The following TENT2 variants were observed in gnomAD, a reference collection of about 807,000 sequenced individuals.
TENT2 encodes terminal nucleotidyltransferase 2, also known as poly(A) RNA polymerase GLD2.
In TENT2, 44 loss-of-function variants were observed where a neutral mutation model predicts 72.2. The observed-to-expected ratio is 0.61, with a 90% CI of 0.48 to 0.78. TENT2 has a LOEUF of 0.78. Among genes scored for constraint, TENT2 ranks in the 30% least tolerant of loss-of-function variants. TENT2 has a pLI of 0.00. For missense variants in TENT2, 541 were observed against 569.6 expected (o/e 0.95, Z 0.51); for synonymous variants, 212 against 192.5 (o/e 1.10, Z -0.84).
intron 11 of TENT2, among the ~76,000 whole-genome samples, chr5:79,661,628 A>G (rs1343400077): frequency 6.6e-6 from 1 of 152,180 alleles, no homozygotes; most frequent in African/African-American, 2.4e-5. Context: ...AAATGTACAT[A>G]CCTTTGTTTA....
intron 10 of TENT2, among the ~76,000 whole-genome samples, chr5:79,655,450 T>C (rs375130285): frequency 6.6e-6 from 1 of 152,110 alleles, no homozygotes; most frequent in East Asian, 1.9e-4. Flanking sequence ...CTTCTCTTCA[T>C]CCTTTGTTTT....
At chr5:79,639,406 C>T (rs1420871162) in intron 4 of TENT2, among the ~76,000 whole-genome samples, 1 of 151,428 alleles carries the variant, frequency 6.6e-6, no homozygotes, top group African/African-American at 2.4e-5. Context: ...TGAAATACTC[C>T]AATTTTATGA....
chr5:79,655,892 G>A (rs566449207), intron 10 of TENT2, among the ~76,000 whole-genome samples: 7 of 151,860 alleles, frequency 4.6e-5, no homozygotes, highest in African/African-American at 4.8e-5. Flanking sequence ...TTTGTACTGC[G>A]TGGTAAAAAT....
chr5:79,617,085 C>A (rs909274350), intron 1 of TENT2, among the ~76,000 whole-genome samples: 21 of 151,480 alleles, frequency 1.4e-4, no homozygotes, highest in Admixed American at 5.3e-4. Flanking sequence ...TACTTCAATT[C>A]TTCTGGCTAC....
At chr5:79,632,350 T>C (rs1408751595) in intron 4 of TENT2, among the ~76,000 whole-genome samples, 1 of 152,176 alleles carries the variant, frequency 6.6e-6, no homozygotes, top group African/African-American at 2.4e-5. Context: ...TTTTTTAAGT[T>C]ACTGTGTTAA....
intron 3 of TENT2, among the ~76,000 whole-genome samples, chr5:79,621,797 T>A (rs541218443): frequency 6.6e-6 from 1 of 151,892 alleles, no homozygotes; most frequent in Admixed American, 6.6e-5. Flanking sequence ...CTCCATTAAT[T>A]TGTAGTTAAA....
At chr5:79,635,944 C>A (rs187829182) in intron 4 of TENT2, among the ~76,000 whole-genome samples, 1 of 152,294 alleles carries the variant, frequency 6.6e-6, no homozygotes, top group East Asian at 1.9e-4. Context: ...TTCTCTACAT[C>A]AGGGGTTGGC....
intron 1 of TENT2, among the ~76,000 whole-genome samples, 160 bp from the exon 2 acceptor site, chr5:79,619,447 GTTTTC>G (rs773539306): frequency 7.2e-5 from 11 of 152,122 alleles, no homozygotes; most frequent in Admixed American, 2.0e-4. Flanking sequence ...TTTATTATTA[GTTTTC>G]TTTTGTTACC....
intron 11 of TENT2, among the ~76,000 whole-genome samples, chr5:79,659,782 T>C (rs1801312587): frequency 6.6e-6 from 1 of 151,462 alleles, no homozygotes; most frequent in Non-Finnish European, 1.5e-5. Context: ...TACTCTTTCT[T>C]GGGGGAAGGC....
chr5:79,670,219 C>CA (rs1327703736), intron 12 of TENT2, among the ~76,000 whole-genome samples: 1,687 of 115,180 alleles, frequency 0.015, 15 homozygotes, highest in African/African-American at 0.035. Context: ...AACTCTATCT[C>CA]AAAAAAAAAA....
intron 11 of TENT2, among the ~76,000 whole-genome samples, chr5:79,667,735 T>C (rs180737093): frequency 4.2e-4 from 64 of 152,248 alleles, no homozygotes; most frequent in Non-Finnish European, 7.4e-4. Context: ...CTTGCTCCTT[T>C]GTTTTTATTC....
At chr5:79,649,226 T>C (rs1453716913) in intron 10 of TENT2, 36 bp downstream of exon 10, 2 of 1,583,274 alleles carry the variant, frequency 1.3e-6, no homozygotes, top group African/African-American at 1.3e-5. Flanking sequence ...TTTTTAAAAG[T>C]AAAAGACAGC....
intron 12 of TENT2, among the ~76,000 whole-genome samples, chr5:79,673,221 A>G (rs1023847936): frequency 2.6e-5 from 4 of 152,104 alleles, no homozygotes; most frequent in African/African-American, 9.7e-5. Context: ...TAGTTTGCAA[A>G]TATTTTCTCT....
chr5:79,620,360 C>T (rs1763761662), intron 3 of TENT2, among the ~76,000 whole-genome samples: 5 of 152,190 alleles, frequency 3.3e-5, no homozygotes, highest in Admixed American at 3.3e-4. Context: ...TAGAATAAAG[C>T]TGTTTCCTCA....
chr5:79,649,155 A>C lies in TENT2; in HGVS notation c.992A>C (p.Tyr331Ser), dbSNP rs1791526648. 6.2e-7 allele frequency: 1 copy of C among 1,613,482 alleles called. No homozygotes were observed. The highest frequency in any genetic ancestry group is 8.5e-7 in the Non-Finnish European group (1 of 1,179,662). ...GCCAGTCGTGGTACTTTAAGCAGCTATAGTCTTGTATTGATGGTTTTGCAC... is the reference window on the plus strand; with the variant it reads ...GCCAGTCGTGGTACTTTAAGCAGCTCTAGTCTTGTATTGATGGTTTTGCAC... ...NDASRGTLSS[Y>S]SLVLMVLHYL... The change falls in exon 10 of 15, where the codon TAT (tyrosine) becomes TCT (serine). Residue 331 changes from tyrosine to serine, a missense_variant. Transcript: ENST00000453514.
chr5:79,648,294 C>T (rs1008100497), intron 8 of TENT2, among the ~76,000 whole-genome samples: 14 of 151,228 alleles, frequency 9.3e-5, no homozygotes, highest in East Asian at 3.9e-4. Flanking sequence ...GGCCACAGAG[C>T]GAGACTCCAT....
intron 11 of TENT2, among the ~76,000 whole-genome samples, chr5:79,660,899 G>A (rs1312820012): frequency 6.6e-6 from 1 of 152,142 alleles, no homozygotes; most frequent in African/African-American, 2.4e-5. Flanking sequence ...ACATGATGTG[G>A]AGGTGGAAGA....
chr5:79,626,062 C>T (rs1769479741), intron 4 of TENT2, among the ~76,000 whole-genome samples: 1 of 151,792 alleles, frequency 6.6e-6, no homozygotes, highest in African/African-American at 2.4e-5. Context: ...CTCCTGACCT[C>T]GTGATCTACC....
chr5:79,634,441 A>AT (rs1340680248), intron 4 of TENT2, among the ~76,000 whole-genome samples: 1 of 151,986 alleles, frequency 6.6e-6, no homozygotes, highest in African/African-American at 2.4e-5. Flanking sequence ...GGTTCAAGTG[A>AT]TTCTCCGGCC....
Sources: gnomAD v4.1 joint callset for allele counts (sites outside exome capture counted in the v4.1 genomes callset) on GRCh38, gnomAD v4.1.1 for gene constraint, MANE v1.5 for transcripts, NCBI Gene and HGNC (gene_info 2026-07-23, HGNC 2026-07-21) for gene names.